The following DOCK1 variants were observed in gnomAD, a reference collection of about 807,000 sequenced individuals.
DOCK1 encodes the protein dedicator of cytokinesis protein 1.
In DOCK1, 138 loss-of-function variants were observed where a neutral mutation model predicts 262.7. That is an observed-to-expected ratio of 0.53 (90% CI 0.46 to 0.61). DOCK1 has a LOEUF of 0.61. Ranked by LOEUF, DOCK1 falls within the 20% of genes least tolerant of loss-of-function variation. The pLI, the probability that DOCK1 is intolerant of heterozygous loss-of-function variation, is 0.00. For synonymous variants in DOCK1, 866 were observed against 867.4 expected (o/e 1.00, Z 0.03); for missense variants, 1,908 against 2,370.7 (o/e 0.80, Z 4.05).
chr10:127,170,172 C>A (rs534588810), intron 27 of DOCK1, among the ~76,000 whole-genome samples: 1 of 152,090 alleles, frequency 6.6e-6, no homozygotes. Context: ...GCCACCCTTC[C>A]TGCAAGGTAC....
At chr10:126,920,754 C>T (rs181813769) in intron 1 of DOCK1, among the ~76,000 whole-genome samples, 78 of 152,270 alleles carry the variant, frequency 5.1e-4, no homozygotes, top group Middle Eastern at 3.4e-3. Flanking sequence ...CCATCTGACC[C>T]AGTGATTCTT....
At chr10:126,965,698 G>GT (rs1165945126) in intron 1 of DOCK1, among the ~76,000 whole-genome samples, 12 of 151,728 alleles carry the variant, frequency 7.9e-5, no homozygotes, top group East Asian at 7.8e-4. Flanking sequence ...TAGTCAAGTT[G>GT]TTTTTTTTGC....
At chr10:127,142,248 C>T (rs1322571420) in intron 27 of DOCK1, among the ~76,000 whole-genome samples, 3 of 152,192 alleles carry the variant, frequency 2.0e-5, no homozygotes, top group South Asian at 4.1e-4. Flanking sequence ...TACAGCCACA[C>T]GGGCACGTGG....
intron 38 of DOCK1, among the ~76,000 whole-genome samples, chr10:127,395,719 A>G (rs2066784886): frequency 6.6e-6 from 1 of 152,240 alleles, no homozygotes; most frequent in African/African-American, 2.4e-5. Context: ...GCATTGGGCC[A>G]GGCCTGAGCC....
chr10:127,296,601 A>G (rs2135403153), intron 29 of DOCK1, among the ~76,000 whole-genome samples: 1 of 152,300 alleles, frequency 6.6e-6, no homozygotes, highest in African/African-American at 2.4e-5. Context: ...CCTGCTCTCT[A>G]ACTCAGATGA....
intron 38 of DOCK1, among the ~76,000 whole-genome samples, chr10:127,393,357 A>G (rs2066612873): frequency 6.6e-6 from 1 of 152,164 alleles, no homozygotes; most frequent in African/African-American, 2.4e-5. Flanking sequence ...GCCCATTTCC[A>G]TATGCAATTA....
intron 12 of DOCK1, among the ~76,000 whole-genome samples, chr10:127,017,450 GAC>G (rs754512715): frequency 6.0e-5 from 9 of 150,234 alleles, no homozygotes; most frequent in Non-Finnish European, 1.2e-4. Flanking sequence ...AACACAGACA[GAC>G]ACAGATTTAG....
At chr10:127,385,440 A>C (rs2066057790) in intron 38 of DOCK1, among the ~76,000 whole-genome samples, 1 of 127,960 alleles carries the variant, frequency 7.8e-6, no homozygotes, top group African/African-American at 3.1e-5. Flanking sequence ...TAAAAAAAAA[A>C]GCTGTTTCAG....
chr10:127,217,960 C>T (rs1368257912), intron 27 of DOCK1, among the ~76,000 whole-genome samples: 1 of 151,610 alleles, frequency 6.6e-6, no homozygotes, highest in South Asian at 2.1e-4. Flanking sequence ...TTCCCCATTG[C>T]TTTTTTCTTT....
intron 27 of DOCK1, among the ~76,000 whole-genome samples, chr10:127,139,896 A>G (rs902680442): frequency 1.5e-4 from 23 of 152,312 alleles, no homozygotes; most frequent in African/African-American, 5.3e-4. Flanking sequence ...ATTGATCACT[A>G]ATCTTATAAT....
chr10:127,343,889 G>C, intron 31 of DOCK1, 143 bp downstream of exon 31: 1 of 696,202 alleles, frequency 1.4e-6, no homozygotes, highest in Non-Finnish European at 2.4e-6. Context: ...TCACCAATCA[G>C]GTATTGCCTT....
chr10:126,954,618 G>A (rs1218192400), intron 1 of DOCK1, among the ~76,000 whole-genome samples: 4 of 152,208 alleles, frequency 2.6e-5, no homozygotes, highest in South Asian at 2.1e-4. Flanking sequence ...CCTGGCAGCC[G>A]CCGTGCTATT....
At chr10:126,957,016 C>T (rs1222235026) in intron 1 of DOCK1, among the ~76,000 whole-genome samples, 1 of 152,136 alleles carries the variant, frequency 6.6e-6, no homozygotes, top group Non-Finnish European at 1.5e-5. Flanking sequence ...CATGGGCTCT[C>T]CCTGGGCACA....
intron 1 of DOCK1, among the ~76,000 whole-genome samples, chr10:126,940,710 A>G (rs1178107671): frequency 6.6e-6 from 1 of 152,116 alleles, no homozygotes; most frequent in Non-Finnish European, 1.5e-5. Flanking sequence ...GGCCCAAAGT[A>G]CCTATTTTAG....
intron 12 of DOCK1, 81 bp from the exon 13 acceptor site, chr10:127,018,629 A>G: frequency 6.3e-7 from 1 of 1,598,018 alleles, no homozygotes. Context: ...AAAGTCTCTC[A>G]TTCATTGAAA....
rs191877953 is a variant in DOCK1, at chr10:127,095,225, G to A, written c.2446-11006G>A. ...TAAGTCTTTCTCTTTTTCACGCCTC[G>A]TGCTTTTTGCTACGTGGTTTCTGCT... is the stretch of plus-strand genomic sequence containing the variant. On this transcript the variant is annotated intron_variant, in intron 23 of 51. Transcript: ENST00000623213. 9.9e-5 allele frequency among the ~76,000 whole-genome samples: 15 copies of A among 152,248 alleles called. No homozygotes were observed. The East Asian group carries it at 2.5e-3, about 26-fold the overall frequency.
intron 22 of DOCK1, among the ~76,000 whole-genome samples, chr10:127,053,310 C>G (rs1380307466): frequency 6.6e-6 from 1 of 152,184 alleles, no homozygotes; most frequent in Non-Finnish European, 1.5e-5. Context: ...CCACTGCACT[C>G]CAGCCTGGGC....
intron 2 of DOCK1, among the ~76,000 whole-genome samples, chr10:126,977,263 G>C (rs577638862): frequency 4.8e-4 from 73 of 152,274 alleles, no homozygotes; most frequent in Admixed American, 4.8e-3. Context: ...TCTTCTGTGT[G>C]GCATCCATGG....
intron 27 of DOCK1, among the ~76,000 whole-genome samples, chr10:127,168,322 A>T (rs1476681411): frequency 6.6e-6 from 1 of 152,266 alleles, no homozygotes. Context: ...CAAGAATATT[A>T]GAAAATGAAG....
Sources: allele counts gnomAD v4.1 joint callset (sites outside exome capture counted in the v4.1 genomes callset), GRCh38; gene constraint gnomAD v4.1.1; transcripts MANE v1.5; gene names NCBI Gene and HGNC (gene_info 2026-07-23, HGNC 2026-07-21).